TMOD3: variants seen among roughly 807,000 people sequenced by gnomAD.
TMOD3 encodes the protein tropomodulin-3.
A neutral mutation model predicts 39.2 loss-of-function variants in TMOD3; 20 were observed. That is an observed-to-expected ratio of 0.51 (90% confidence interval 0.36 to 0.74). TMOD3 has a LOEUF of 0.74. Among genes scored for constraint, TMOD3 ranks in the 30% least tolerant of loss-of-function variants. The pLI is 0.00. For synonymous variants in TMOD3, 143 were observed against 145.8 expected (o/e 0.98, Z 0.14); for missense variants, 381 against 412.8 (o/e 0.92, Z 0.67).
At chr15:51,900,076 GTATT>G (rs2056641844) in intron 7 of TMOD3, 75 bp from the exon 8 acceptor site, 4 of 1,237,642 alleles carry the variant, frequency 3.2e-6, no homozygotes, top group East Asian at 2.5e-5. Flanking sequence ...GTTAATTAAT[GTATT>G]TATTTATGGC....
chr15:51,861,681 A>G (rs2056419719), intron 1 of TMOD3, among the ~76,000 whole-genome samples: 2 of 148,170 alleles, frequency 1.3e-5, no homozygotes, highest in South Asian at 2.1e-4. Context: ...TTTTTGAGAC[A>G]AGGTCTTGCT....
At chr15:51,861,877 A>T (rs77339257) in intron 1 of TMOD3, among the ~76,000 whole-genome samples, 14,557 of 152,052 alleles carry the variant, frequency 0.096, 1,274 homozygotes, top group East Asian at 0.51. Context: ...TCCTGAGCTC[A>T]AGCGATTCAC....
rs1489094989 is a variant in TMOD3 at position 51,894,546 on chromosome 15, A to G, written c.627+601A>G. Among the ~76,000 whole-genome samples the G allele has an allele frequency of 2.6e-5, 4 of 152,118 alleles. No individual in the cohort carries two copies. In the East Asian group the frequency reaches 7.7e-4, roughly 29 times the overall value. On this transcript the variant is annotated intron_variant, in intron 6 of 9. Transcript: ENST00000308580. ...GATATAGAATATATCTGTCACCGCA[A>G]AAGTTCTCTCATACCCCTTTGTAGT...
chr15:51,842,354 T>C (rs2056316443), intron 1 of TMOD3, among the ~76,000 whole-genome samples: 1 of 152,180 alleles, frequency 6.6e-6, no homozygotes, highest in African/African-American at 2.4e-5. Flanking sequence ...AAGGCATAAT[T>C]TATATACCGT....
At chr15:51,847,863 A>G (rs2056343452) in intron 1 of TMOD3, among the ~76,000 whole-genome samples, 1 of 152,214 alleles carries the variant, frequency 6.6e-6, no homozygotes, top group African/African-American at 2.4e-5. Context: ...GGGTATTGCT[A>G]CGGTTTGAAT....
intron 3 of TMOD3, among the ~76,000 whole-genome samples, chr15:51,879,892 A>ACACAC (rs1270133426): frequency 1.8e-4 from 27 of 150,224 alleles, no homozygotes; most frequent in Non-Finnish European, 3.4e-4. Flanking sequence ...ACACACACGA[A>ACACAC]GAAGAAATTC....
At chr15:51,904,656 A>G (rs550260271) in intron 9 of TMOD3, among the ~76,000 whole-genome samples, 5 of 152,250 alleles carry the variant, frequency 3.3e-5, no homozygotes, top group Admixed American at 1.3e-4. Context: ...GACCTTTGCA[A>G]GGCTTCAGCA....
At chr15:51,903,914 A>G (rs910230273) in intron 9 of TMOD3, among the ~76,000 whole-genome samples, 12 of 152,220 alleles carry the variant, frequency 7.9e-5, no homozygotes, top group Admixed American at 7.2e-4. Flanking sequence ...TGCTCTATTG[A>G]ATGTTTACTA....
intron 1 of TMOD3, among the ~76,000 whole-genome samples, chr15:51,861,826 G>A (rs979872508): frequency 4.0e-5 from 6 of 151,810 alleles, no homozygotes; most frequent in African/African-American, 9.7e-5. Context: ...CCTGGCTGAT[G>A]TTTTGTATTT....
chr15:51,895,975 G>T (rs1218923491), intron 6 of TMOD3, among the ~76,000 whole-genome samples: 1 of 152,070 alleles, frequency 6.6e-6, no homozygotes, highest in Non-Finnish European at 1.5e-5. Flanking sequence ...GGACCTGGTG[G>T]TGCATGCCTG....
At chr15:51,845,728 T>C (rs2141672299) in intron 1 of TMOD3, among the ~76,000 whole-genome samples, 1 of 152,122 alleles carries the variant, frequency 6.6e-6, no homozygotes, top group Admixed American at 6.5e-5. Context: ...GCCTGGGTGA[T>C]AGTGGGAGAC....
At chr15:51,859,843 A>G (rs902567510) in intron 1 of TMOD3, 21 of 522,102 alleles carry the variant, frequency 4.0e-5, no homozygotes, top group Non-Finnish European at 1.2e-5. Context: ...ATGGCACAGC[A>G]ACAACTCAAG....
rs145139577 is a variant in TMOD3, at chr15:51,907,960, A to G, written c.1025-816A>G. 1.5e-3 allele frequency among the ~76,000 whole-genome samples: 233 copies of G among 152,316 alleles called. 1 individual carries two copies. The highest frequency in any genetic ancestry group is 5.3e-3 in the African/African-American group (220 of 41,568). On this transcript the variant is annotated intron_variant, in intron 9 of 9. Transcript: ENST00000308580. ...AAGTTTATGGTAGCCGGAAGTGACCACACCATATTACCAGGGTCTGAGATT... is the reference window on the plus strand; with the variant it reads ...AAGTTTATGGTAGCCGGAAGTGACCGCACCATATTACCAGGGTCTGAGATT...
intron 5 of TMOD3, chr15:51,892,379 C>G (rs1032177687): frequency 2.0e-4 from 31 of 152,166 alleles, no homozygotes; most frequent in Non-Finnish European, 4.4e-5. Flanking sequence ...TCGTAGACCT[C>G]CACACACATG....
intron 1 of TMOD3, among the ~76,000 whole-genome samples, chr15:51,841,807 T>C (rs574425190): frequency 6.6e-6 from 1 of 152,322 alleles, no homozygotes; most frequent in African/African-American, 2.4e-5. Flanking sequence ...TCTCATTCTG[T>C]CACACAGGCT....
chr15:51,844,898 C>A (rs1417477587), intron 1 of TMOD3, among the ~76,000 whole-genome samples: 3 of 152,116 alleles, frequency 2.0e-5, no homozygotes, highest in Non-Finnish European at 2.9e-5. Context: ...TACTACTTAA[C>A]AACATTGGCT....
In TMOD3 at chr15:51,837,356, C is replaced by T. The variant is rs193061321; in HGVS notation, c.-75+7520C>T. Among the ~76,000 whole-genome samples, 407 of 152,130 alleles carry T rather than the reference C, an allele frequency of 2.7e-3. 1 individual carries two copies. In the Middle Eastern group the frequency reaches 0.027, roughly 10 times the overall value. On this transcript the variant is annotated intron_variant, in intron 1 of 9. Transcript: ENST00000308580. ...GCAAACGTGACAAGATATGATACAACCCCCAAGATTTATTTTCATTCATGG... is the reference window on the plus strand; with the variant it reads ...GCAAACGTGACAAGATATGATACAATCCCCAAGATTTATTTTCATTCATGG...
At chr15:51,836,685 A>G (rs1459310942) in intron 1 of TMOD3, among the ~76,000 whole-genome samples, 4 of 151,028 alleles carry the variant, frequency 2.6e-5, no homozygotes, top group Non-Finnish European at 5.9e-5. Context: ...AGATCATGTC[A>G]CTGCACTCCA....
chr15:51,841,480 C>T (rs753146784), intron 1 of TMOD3, among the ~76,000 whole-genome samples: 36 of 152,112 alleles, frequency 2.4e-4, no homozygotes, highest in Admixed American at 1.2e-3. Context: ...TGATTTCCCT[C>T]ATTTGATATT....
Sources: gnomAD v4.1 joint callset for allele counts (sites outside exome capture counted in the v4.1 genomes callset) on GRCh38, gnomAD v4.1.1 for gene constraint, MANE v1.5 for transcripts, NCBI Gene and HGNC (gene_info 2026-07-23, HGNC 2026-07-21) for gene names.